IL1RAP: variants seen among roughly 807,000 people sequenced by gnomAD.
IL1RAP encodes interleukin 1 receptor accessory protein.
In IL1RAP, 35 loss-of-function variants were observed where a neutral mutation model predicts 60.7. The observed-to-expected ratio is 0.58, with a 90% CI of 0.44 to 0.76. IL1RAP has a LOEUF of 0.76. IL1RAP is among the 30% of genes least tolerant of loss of function. The probability of loss-of-function intolerance (pLI) is 0.00; values close to 1 mark genes in which losing one functional copy is unlikely to be tolerated. For synonymous variants in IL1RAP, 268 were observed against 250.9 expected (o/e 1.07, Z -0.64); for missense variants, 572 against 693.9 (o/e 0.82, Z 1.97).
chr3:190,642,902 G>A (rs1363989345), intron 9 of IL1RAP, among the ~76,000 whole-genome samples: 3 of 152,138 alleles, frequency 2.0e-5, no homozygotes, highest in African/African-American at 7.2e-5. Flanking sequence ...TAAATATACT[G>A]TTCCTCCTTC....
chr3:190,563,310 C>T (rs1331980647), intron 2 of IL1RAP: 2 of 152,084 alleles, frequency 1.3e-5, no homozygotes, highest in African/African-American at 2.4e-5. Context: ...ATGAGCTGGA[C>T]AAGTTATCAA....
intron 1 of IL1RAP, among the ~76,000 whole-genome samples, chr3:190,533,626 G>A (rs899563816): frequency 3.9e-5 from 6 of 152,162 alleles, no homozygotes; most frequent in Admixed American, 2.0e-4. Context: ...GGCCTGGCAC[G>A]GTTCCGTCAG....
At chr3:190,547,950 G>A (rs545570452) in intron 1 of IL1RAP, among the ~76,000 whole-genome samples, 14 of 152,256 alleles carry the variant, frequency 9.2e-5, no homozygotes, top group African/African-American at 3.4e-4. Flanking sequence ...GGGCCTCTCC[G>A]AGGCTTCTGG....
In IL1RAP at chr3:190,622,108, C is replaced by T. The variant is rs143967014; in HGVS notation, c.704-1236C>T. ...AACCAGCTTCCATACTAGACACTTT[C>T]GGTAATGTTGTGAAGAAATACAGAG... is the stretch of plus-strand genomic sequence containing the variant. On this transcript the variant is annotated intron_variant, in intron 6 of 11. Transcript: ENST00000447382. 8.0e-4 allele frequency among the ~76,000 whole-genome samples: 122 copies of T among 152,154 alleles called. 1 individual carries two copies. In the East Asian group the frequency reaches 0.015, roughly 19 times the overall value.
rs75003981 is a variant in IL1RAP at position 190,533,045 on chromosome 3, A to G, written c.-89+18826A>G. Among the ~76,000 whole-genome samples the G allele has an allele frequency of 8.1e-3, 1,231 of 152,284 alleles. 16 individuals are homozygous for G. The highest frequency in any genetic ancestry group is 0.028 in the African/African-American group (1,169 of 41,554). ...TACTTTCAAAAACCCCTAGTCTCCT[A>G]GTTTTGAAAGTAAGTTCCATGACGT... On this transcript the variant is annotated intron_variant, in intron 1 of 11. Transcript: ENST00000447382.
rs970182167 is a variant in IL1RAP at position 190,520,774 on chromosome 3, G to A, written c.-89+6555G>A. ...TGATTTCTACCTTTCTGGCACAAAA[G>A]TCCTCATGATTACACGGCTTCCTCC... On this transcript the variant is annotated intron_variant, in intron 1 of 11. Coordinates refer to ENST00000447382, the MANE Select transcript of IL1RAP (RefSeq NM_002182.4). Among the ~76,000 whole-genome samples the A allele has an allele frequency of 2.6e-5, 4 of 152,156 alleles. No homozygotes were observed. In the South Asian group the frequency reaches 8.3e-4, roughly 32 times the overall value.
chr3:190,634,991 A>G (rs1733108302), intron 9 of IL1RAP, among the ~76,000 whole-genome samples: 1 of 152,322 alleles, frequency 6.6e-6, no homozygotes, highest in Admixed American at 6.5e-5. Flanking sequence ...CTGGGATTAC[A>G]GGCGTGAGCC....
At position 190,649,482 on chromosome 3, in the gene IL1RAP, C is replaced by G. The variant is rs1456948308; in HGVS notation, c.*777C>G. The G allele has an allele frequency of 7.1e-6, 7 of 985,760 alleles. No individual in the cohort carries two copies. The highest frequency in any genetic ancestry group is 8.4e-6 in the Non-Finnish European group (7 of 829,900). 61.1% of individuals were successfully genotyped at this position (985,760 alleles called of 1,614,324 possible). On this transcript the variant is annotated 3_prime_UTR_variant, in exon 12 of 12. Coordinates refer to ENST00000447382, the MANE Select transcript of IL1RAP (RefSeq NM_002182.4). The stretch of plus-strand genomic sequence containing the variant: ...GCTCATTTAGAGTTTGCAGGAGGCT[C>G]CATACTAGGTTCAGTCTGAAAGAAA...
In IL1RAP at chr3:190,650,216, T is replaced by C; in HGVS notation, c.*1511T>C. On this transcript the variant is annotated 3_prime_UTR_variant, in exon 12 of 12. Transcript: ENST00000447382. ...GTGTCAGTGTTTTCTGTACATATTA[T>C]TTGTTAATTCACAGCTCACAGAGTG... The C allele has an allele frequency of 1.0e-6, 1 of 984,718 alleles. No individual in the cohort carries two copies. The highest frequency in any genetic ancestry group is 1.2e-6 in the Non-Finnish European group (1 of 829,280). 61.0% of individuals were successfully genotyped at this position (984,718 alleles called of 1,614,324 possible).
At chr3:190,590,626 A>G (rs1190156665) in intron 3 of IL1RAP, among the ~76,000 whole-genome samples, 1 of 152,192 alleles carries the variant, frequency 6.6e-6, no homozygotes, top group African/African-American at 2.4e-5. Flanking sequence ...CCTCAAGGAC[A>G]AACCCACATA....
At chr3:190,568,220 A>G (rs1394481452) in intron 3 of IL1RAP, among the ~76,000 whole-genome samples, 2 of 152,108 alleles carry the variant, frequency 1.3e-5, no homozygotes, top group African/African-American at 2.4e-5. Context: ...TTTCACACAC[A>G]TTATCAGGAA....
chr3:190,529,714 C>T (rs1294014126), intron 1 of IL1RAP, among the ~76,000 whole-genome samples: 2 of 139,532 alleles, frequency 1.4e-5, no homozygotes, highest in East Asian at 2.1e-4. Flanking sequence ...TTTAGCCGGG[C>T]GTGGTGGCAG....
intron 9 of IL1RAP, among the ~76,000 whole-genome samples, chr3:190,638,308 G>T (rs1733386431): frequency 6.6e-6 from 1 of 151,948 alleles, no homozygotes; most frequent in South Asian, 2.1e-4. Flanking sequence ...GCAATTATAG[G>T]TGAGTGTATG....
chr3:190,580,097 GT>G (rs1372919522), intron 3 of IL1RAP, among the ~76,000 whole-genome samples: 4 of 152,284 alleles, frequency 2.6e-5, no homozygotes, highest in African/African-American at 9.6e-5. Flanking sequence ...ATAGCTGTAA[GT>G]TGAATTACTG....
chr3:190,636,044 A>T (rs1733196248), intron 9 of IL1RAP, among the ~76,000 whole-genome samples: 1 of 152,144 alleles, frequency 6.6e-6, no homozygotes, highest in African/African-American at 2.4e-5. Flanking sequence ...CTAATCTTTT[A>T]TTTAATTCTG....
intron 8 of IL1RAP, among the ~76,000 whole-genome samples, chr3:190,629,021 A>G (rs901237816): frequency 3.3e-5 from 5 of 152,222 alleles, no homozygotes; most frequent in African/African-American, 1.2e-4. Context: ...ACCTGGCCCC[A>G]GAAGCTTCTC....
At chr3:190,644,218 T>A (rs1322959335) in intron 9 of IL1RAP, 30 bp from the exon 10 acceptor site, 1 of 1,601,238 alleles carries the variant, frequency 6.2e-7, no homozygotes, top group Non-Finnish European at 8.5e-7. Flanking sequence ...CACACAGAAA[T>A]CAATTCTGTT....
chr3:190,638,846 C>G (rs1733431801), intron 9 of IL1RAP, among the ~76,000 whole-genome samples: 1 of 151,988 alleles, frequency 6.6e-6, no homozygotes, highest in African/African-American at 2.4e-5. Context: ...CATTATGTTT[C>G]TCTGGTGCCT....
chr3:190,592,887 T>G (rs986492478), intron 3 of IL1RAP, among the ~76,000 whole-genome samples: 2 of 152,222 alleles, frequency 1.3e-5, no homozygotes, highest in Middle Eastern at 3.2e-3. Context: ...TAATGATTTG[T>G]CCATACTTTT....
Sources: gnomAD v4.1 joint callset for allele counts (sites outside exome capture counted in the v4.1 genomes callset) on GRCh38, gnomAD v4.1.1 for gene constraint, MANE v1.5 for transcripts, NCBI Gene and HGNC (gene_info 2026-07-23, HGNC 2026-07-21) for gene names.